HRH1: variants seen among roughly 807,000 people sequenced by gnomAD.
HRH1 encodes the protein histamine receptor H1, also known as histamine H1 receptor.
HRH1 carries 6 observed loss-of-function variants against 10.3 expected under a neutral mutation model. The observed-to-expected ratio is 0.58, with a 90% CI of 0.32 to 1.15. The LOEUF is 1.15. Among genes scored for constraint, HRH1 ranks in the 50% most tolerant of loss-of-function variants. The probability of loss-of-function intolerance (pLI) is 0.05; values close to 1 mark genes in which losing one functional copy is unlikely to be tolerated. For synonymous variants in HRH1, 242 were observed against 236.7 expected (o/e 1.02, Z -0.21); for missense variants, 514 against 615.3 (o/e 0.84, Z 1.74).
rs1002827827 is a variant in HRH1 at position 11,189,298 on chromosome 3, A to G, written c.-36+34744A>G. On this transcript the variant is annotated intron_variant, in intron 1 of 1. Transcript: ENST00000431010. ...TGGGTAGGGGAACGGCTCTGGATTCATAATCACCTTAGATTGAATCCAAGT... is the reference window on the plus strand; with the variant it reads ...TGGGTAGGGGAACGGCTCTGGATTCGTAATCACCTTAGATTGAATCCAAGT... 3.9e-5 allele frequency among the ~76,000 whole-genome samples: 6 copies of G among 152,360 alleles called. 1 individual carries two copies. The highest frequency in any genetic ancestry group is 1.3e-4 in the Admixed American group (2 of 15,308).
intron 1 of HRH1, among the ~76,000 whole-genome samples, chr3:11,245,984 A>G (rs1245574865): frequency 2.9e-5 from 4 of 137,772 alleles, no homozygotes; most frequent in Non-Finnish European, 6.3e-5. Context: ...CATGTACTCA[A>G]AAACCACACA....
In HRH1 at chr3:11,187,175, T is replaced by C. The variant is rs11915210; in HGVS notation, c.-36+32621T>C. 7.0e-3 allele frequency among the ~76,000 whole-genome samples: 1,068 copies of C among 152,214 alleles called. 15 individuals carry two copies. The highest frequency in any genetic ancestry group is 0.024 in the African/African-American group (1,008 of 41,532). On this transcript the variant is annotated intron_variant, in intron 1 of 1. Transcript: ENST00000431010. ...ACTTCAGGATCGTAAGTGTGAGCCC[T>C]ACTTTCCACTACTGACAAAGATATC...
intron 1 of HRH1, among the ~76,000 whole-genome samples, chr3:11,157,783 T>C (rs1352556253): frequency 1.3e-5 from 2 of 152,224 alleles, no homozygotes; most frequent in East Asian, 3.8e-4. Context: ...GCAGAATGCA[T>C]GTTAGAAACT....
intron 1 of HRH1, among the ~76,000 whole-genome samples, chr3:11,199,018 G>C (rs1411550886): frequency 6.6e-6 from 1 of 151,598 alleles, no homozygotes; most frequent in Non-Finnish European, 1.5e-5. Context: ...CTGCCCCCCA[G>C]GTTCAAGCAA....
chr3:11,219,091 A>G (rs1938610426), intron 1 of HRH1, among the ~76,000 whole-genome samples: 2 of 151,814 alleles, frequency 1.3e-5, no homozygotes, highest in African/African-American at 4.8e-5. Flanking sequence ...GGGTTTCACT[A>G]TGTTGGCCAG....
At chr3:11,161,782 A>C (rs1358388802) in intron 1 of HRH1, among the ~76,000 whole-genome samples, 1 of 152,204 alleles carries the variant, frequency 6.6e-6, no homozygotes, top group Admixed American at 6.5e-5. Context: ...ATTGATTCTC[A>C]CAGCAGCGGG....
upstream of HRH1, among the ~76,000 whole-genome samples, chr3:11,151,074 C>G (rs1936605769): frequency 6.6e-6 from 1 of 152,240 alleles, no homozygotes; most frequent in Non-Finnish European, 1.5e-5. Context: ...TGACTCTACT[C>G]CTTGACTTCA....
chr3:11,150,769 G>A (rs1204917279), upstream of HRH1, among the ~76,000 whole-genome samples: 9 of 152,064 alleles, frequency 5.9e-5, no homozygotes, highest in Non-Finnish European at 8.8e-5. Context: ...GGCCTTCCTC[G>A]ATTTCCCCAT....
intron 1 of HRH1, among the ~76,000 whole-genome samples, chr3:11,237,664 C>CTTTTTTTT (rs376450222): frequency 1.8e-4 from 15 of 83,102 alleles, no homozygotes; most frequent in East Asian, 3.6e-4. Context: ...TTTTCTTTTC[C>CTTTTTTTT]TTTTTTTTTT....
intron 1 of HRH1, among the ~76,000 whole-genome samples, chr3:11,203,700 C>T (rs1938015739): frequency 6.6e-6 from 1 of 152,156 alleles, no homozygotes; most frequent in East Asian, 1.9e-4. Flanking sequence ...GGATTCTGTT[C>T]CATTACTCTG....
chr3:11,176,168 C>CA (rs3082255), intron 1 of HRH1, among the ~76,000 whole-genome samples: 1,214 of 119,954 alleles, frequency 0.01, 18 homozygotes, highest in African/African-American at 0.031. Context: ...GAACCTGTCT[C>CA]AAAAAAAAAA....
chr3:11,236,900 G>T (rs1333548139), intron 1 of HRH1, among the ~76,000 whole-genome samples: 1 of 152,164 alleles, frequency 6.6e-6, no homozygotes, highest in East Asian at 1.9e-4. Context: ...TAATCACCTG[G>T]GAGCTCTCTC....
intron 1 of HRH1, among the ~76,000 whole-genome samples, chr3:11,246,196 C>A (rs1054318282): frequency 1.3e-5 from 2 of 152,164 alleles, no homozygotes; most frequent in Non-Finnish European, 2.9e-5. Flanking sequence ...TCAGCTCCTG[C>A]CTCTAGAGCT....
chr3:11,182,607 A>G (rs1363305962), intron 1 of HRH1, among the ~76,000 whole-genome samples: 1 of 152,190 alleles, frequency 6.6e-6, no homozygotes, highest in Non-Finnish European at 1.5e-5. Flanking sequence ...GAATGAGCGC[A>G]GCTGCGTGCC....
At chr3:11,193,064 G>A (rs1489011476) in intron 1 of HRH1, among the ~76,000 whole-genome samples, 1 of 152,196 alleles carries the variant, frequency 6.6e-6, no homozygotes, top group Non-Finnish European at 1.5e-5. Flanking sequence ...TGGTTGGGCT[G>A]ATCAGTACAA....
At chr3:11,249,929 A>C (rs2606731) in intron 1 of HRH1, among the ~76,000 whole-genome samples, 99,427 of 151,916 alleles carry the variant, frequency 0.65, 32,866 homozygotes, top group African/African-American at 0.71. Flanking sequence ...AGACAAGCAT[A>C]GAAAGTGATA....
chr3:11,179,025 T>C (rs112195767), intron 1 of HRH1, among the ~76,000 whole-genome samples: 4,638 of 152,298 alleles, frequency 0.03, 236 homozygotes, highest in African/African-American at 0.094. Context: ...CAGTGACTCA[T>C]GCCTGTAATC....
chr3:11,198,043 C>T (rs1559267513), intron 1 of HRH1, among the ~76,000 whole-genome samples: 1 of 152,122 alleles, frequency 6.6e-6, no homozygotes, highest in Non-Finnish European at 1.5e-5. Flanking sequence ...GCCTGGTTCT[C>T]CCTGGGCCCT....
At chr3:11,221,678 A>C (rs1019592028) in intron 1 of HRH1, among the ~76,000 whole-genome samples, 2 of 152,078 alleles carry the variant, frequency 1.3e-5, no homozygotes, top group Non-Finnish European at 2.9e-5. Context: ...ACCACCCATC[A>C]CCACCATCCA....
Sources: allele counts gnomAD v4.1 joint callset (sites outside exome capture counted in the v4.1 genomes callset), GRCh38; gene constraint gnomAD v4.1.1; transcripts MANE v1.5; gene names NCBI Gene and HGNC (gene_info 2026-07-23, HGNC 2026-07-21).